Variants in FILIP1 observed in about 807,000 individuals in gnomAD.
FILIP1 encodes the protein filamin-A-interacting protein 1.
In FILIP1, 61 loss-of-function variants were observed where a neutral mutation model predicts 102.1. The ratio of observed to expected loss-of-function variants is 0.60; its 90% CI spans 0.49 to 0.74. FILIP1 has a LOEUF of 0.74. FILIP1 is among the 30% of genes least tolerant of loss of function. The probability of loss-of-function intolerance (pLI) is 0.00; values close to 1 mark genes in which losing one functional copy is unlikely to be tolerated. For synonymous variants in FILIP1, 491 were observed against 526.9 expected, an observed-to-expected ratio of 0.93 and a Z score of 0.93; for missense variants, 1,314 against 1,441.2, an observed-to-expected ratio of 0.91 and a Z score of 1.43.
chr6:75,492,636 A>G (rs1166956629), intron 1 of FILIP1, among the ~76,000 whole-genome samples: 3 of 152,178 alleles, frequency 2.0e-5, no homozygotes, highest in Non-Finnish European at 4.4e-5. Context: ...TGAAAGGAGG[A>G]TTTCCTTTAC....
chr6:75,486,144 T>C (rs542579980), intron 1 of FILIP1, among the ~76,000 whole-genome samples: 25 of 152,270 alleles, frequency 1.6e-4, no homozygotes, highest in Admixed American at 8.5e-4. Flanking sequence ...TGGCAGCACA[T>C]TCAAAGTTTA....
intron 2 of FILIP1, chr6:75,385,680 G>C (rs1042268037): frequency 2.2e-4 from 33 of 152,186 alleles, no homozygotes; most frequent in African/African-American, 7.9e-4. Context: ...ACCAGGAACT[G>C]GTTGGTAAGT....
intron 2 of FILIP1, among the ~76,000 whole-genome samples, chr6:75,406,756 T>C (rs1248603416): frequency 6.7e-6 from 1 of 150,226 alleles, no homozygotes; most frequent in Non-Finnish European, 1.5e-5. Flanking sequence ...GCCTCCCAGG[T>C]TGAAGTGATT....
chr6:75,389,829 A>G (rs1193049303), intron 2 of FILIP1, among the ~76,000 whole-genome samples: 1 of 151,502 alleles, frequency 6.6e-6, no homozygotes, highest in African/African-American at 2.4e-5. Context: ...CCTATATCTC[A>G]CCTATCCCCA....
Position 75,313,729 on chromosome 6 carries a change from GCTCACAAC to G in FILIP1, c.2095_2102del (p.Val699ProfsTer4). Reference sequence around the variant, plus strand: ...ATCTGTGTCTCAGTTCAGCTTCCTGGCTCACAACCTCACCCTTCTCTATTGCTTTATTC... The same window carrying G: ...ATCTGTGTCTCAGTTCAGCTTCCTGGCTCACCCTTCTCTATTGCTTTATTC... On this transcript the variant is annotated frameshift_variant, in exon 5 of 6. Transcript: ENST00000237172. LOFTEE classifies it high-confidence loss of function. This position sits in a 1 kb window ranked among gnomAD's most constrained non-coding sequence, Gnocchi z 4.2. 6.4e-7 allele frequency: 1 copy of G among 1,568,622 alleles called. No homozygotes were observed. The highest frequency in any genetic ancestry group is 8.6e-7 in the Non-Finnish European group (1 of 1,162,438).
intron 2 of FILIP1, among the ~76,000 whole-genome samples, chr6:75,411,639 G>T (rs568492222): frequency 1.3e-5 from 2 of 152,236 alleles, no homozygotes; most frequent in Admixed American, 6.5e-5. Context: ...CATATGGCTA[G>T]CCTGTTTTCC....
chr6:75,479,763 C>T (rs1582567590), intron 1 of FILIP1, among the ~76,000 whole-genome samples: 2 of 144,076 alleles, frequency 1.4e-5, no homozygotes, highest in African/African-American at 5.2e-5. Flanking sequence ...CAGCTCCTCG[C>T]GAGGCTGAGG....
At chr6:75,322,519 C>A (rs1274528181) in intron 4 of FILIP1, among the ~76,000 whole-genome samples, 1 of 152,094 alleles carries the variant, frequency 6.6e-6, no homozygotes, top group Non-Finnish European at 1.5e-5. Flanking sequence ...ACAGGTAGAG[C>A]CCTAAGTATC....
chr6:75,395,841 A>C (rs1156374067), intron 2 of FILIP1, among the ~76,000 whole-genome samples: 1 of 152,166 alleles, frequency 6.6e-6, no homozygotes, highest in Non-Finnish European at 1.5e-5. Context: ...CCTTGATGAA[A>C]TATGCAAGCA....
chr6:75,442,759 AGAGGGG>A (rs1582515696), intron 1 of FILIP1, among the ~76,000 whole-genome samples: 1 of 146,868 alleles, frequency 6.8e-6, no homozygotes, highest in Non-Finnish European at 1.5e-5. Flanking sequence ...AGGGAGAGGG[AGAGGGG>A]GAGGGGGAGG....
chr6:75,487,929 G>A (rs1211784607), intron 1 of FILIP1, among the ~76,000 whole-genome samples: 1 of 152,050 alleles, frequency 6.6e-6, no homozygotes, highest in Non-Finnish European at 1.5e-5. Flanking sequence ...GGTAAAGGAG[G>A]TAGGCAACAG....
chr6:75,458,823 G>A (rs1203641107), intron 1 of FILIP1: 2 of 152,188 alleles, frequency 1.3e-5, no homozygotes, highest in East Asian at 1.9e-4. Flanking sequence ...GTCTTTAGGA[G>A]AGCCTAACTC....
chr6:75,345,837 T>A (rs1318366720), intron 4 of FILIP1, among the ~76,000 whole-genome samples: 3 of 152,084 alleles, frequency 2.0e-5, no homozygotes, highest in Non-Finnish European at 4.4e-5. Flanking sequence ...TCCTTAAACC[T>A]CTTGGCACAA....
intron 1 of FILIP1, among the ~76,000 whole-genome samples, chr6:75,455,894 T>C (rs6905039): frequency 0.011 from 1,612 of 152,280 alleles, 28 homozygotes; most frequent in African/African-American, 0.037. Context: ...TACTTCACAA[T>C]CCCACTGTTT....
chr6:75,406,783 C>T (rs1776866990), intron 2 of FILIP1, among the ~76,000 whole-genome samples: 1 of 151,818 alleles, frequency 6.6e-6, no homozygotes, highest in Non-Finnish European at 1.5e-5. Flanking sequence ...CCTCAGCCTC[C>T]TGAGTAGCTG....
intron 1 of FILIP1, among the ~76,000 whole-genome samples, chr6:75,483,192 T>C (rs1316796511): frequency 2.6e-5 from 4 of 152,204 alleles, no homozygotes; most frequent in Non-Finnish European, 5.9e-5. Context: ...ATTCCGTACA[T>C]GCTACCTAAA....
chr6:75,310,692 T>C (rs1194557947), intron 5 of FILIP1, among the ~76,000 whole-genome samples: 1 of 152,220 alleles, frequency 6.6e-6, no homozygotes, highest in African/African-American at 2.4e-5. Flanking sequence ...TAAGTTACAA[T>C]GATTTATACC....
intron 1 of FILIP1, among the ~76,000 whole-genome samples, chr6:75,445,759 C>G (rs1034844557): frequency 6.6e-6 from 1 of 151,294 alleles, no homozygotes; most frequent in African/African-American, 2.4e-5. Context: ...AGTCATAAGA[C>G]TGTGCTTGTT....
chr6:75,314,536 C>T lies in FILIP1; in HGVS notation c.1296G>A (p.Met432Ile). The T allele has an allele frequency of 6.2e-7, 1 of 1,613,804 alleles. No homozygotes were observed. Among genetic ancestry groups the T allele is most frequent in the East Asian group, 2.2e-5 (1 of 44,870 alleles). The change falls in exon 5 of 6, where the codon ATG becomes ATA. Residue 432 changes from methionine (M) to isoleucine (I), a missense_variant. Physicochemically the swap from Met to Ile is conservative, Grantham distance 10. This residue lies in a region of FILIP1 where 494 missense variants were observed against 511.2 expected (regional missense o/e 0.97). Coordinates refer to ENST00000237172, the MANE Select transcript of FILIP1 (RefSeq NM_015687.5). ...RLEVEKLQKR[M>I]SELEKLEEAF... The stretch of plus-strand genomic sequence containing the variant: ...CTTCTTCCAATTTCTCTAGTTCAGA[C>T]ATTCTCTTCTGTAGCTTCTCAACTT...
Sources: allele counts gnomAD v4.1 joint callset (sites outside exome capture counted in the v4.1 genomes callset), GRCh38; gene constraint gnomAD v4.1.1; regional missense constraint gnomAD v4.1.1; non-coding constraint Gnocchi (gnomAD v3.1); transcripts MANE v1.5; gene names NCBI Gene and HGNC (gene_info 2026-07-23, HGNC 2026-07-21).